Variants in CLASP2 observed in about 807,000 individuals in gnomAD.
CLASP2 encodes the protein cytoplasmic linker associated protein 2.
In CLASP2, 47 loss-of-function variants were observed where a neutral mutation model predicts 194.4. That is an observed-to-expected ratio of 0.24 (90% CI 0.19 to 0.31). The LOEUF is 0.31. Among genes scored for constraint, CLASP2 ranks in the 10% least tolerant of loss-of-function variants. The pLI is 1.00. For synonymous variants in CLASP2, 619 were observed against 633.5 expected, an observed-to-expected ratio of 0.98 and a Z score of 0.34; for missense variants, 1,445 against 1,823.6, an observed-to-expected ratio of 0.79 and a Z score of 3.78.
At chr3:33,592,030 T>C (rs779932590) in intron 21 of CLASP2, among the ~76,000 whole-genome samples, 1 of 152,208 alleles carries the variant, frequency 6.6e-6, no homozygotes, top group Non-Finnish European at 1.5e-5. Context: ...AACACCTTAA[T>C]GCTAAGGATT....
At chr3:33,548,622 T>C (rs756339690) in intron 30 of CLASP2, among the ~76,000 whole-genome samples, 1 of 152,150 alleles carries the variant, frequency 6.6e-6, no homozygotes, top group East Asian at 1.9e-4. Context: ...AATTCCCTTT[T>C]TCAGCTCTCC....
intron 2 of CLASP2, among the ~76,000 whole-genome samples, chr3:33,695,332 A>G (rs1325373047): frequency 6.8e-6 from 1 of 146,994 alleles, no homozygotes; most frequent in East Asian, 2.0e-4. Context: ...AACTGTTGGG[A>G]TTACAGGTGT....
At chr3:33,526,158 A>G (rs2054511147) in intron 34 of CLASP2, among the ~76,000 whole-genome samples, 1 of 151,492 alleles carries the variant, frequency 6.6e-6, no homozygotes, top group Non-Finnish European at 1.5e-5. Flanking sequence ...TTTTTAGTAG[A>G]GATGGGTTTT....
intron 34 of CLASP2, among the ~76,000 whole-genome samples, chr3:33,524,811 C>T (rs532221746): frequency 2.0e-5 from 3 of 151,992 alleles, no homozygotes; most frequent in Non-Finnish European, 2.9e-5. Context: ...AATGACAGAC[C>T]ATCAAAATAT....
intron 37 of CLASP2, among the ~76,000 whole-genome samples, chr3:33,506,153 T>A (rs1374210709): frequency 6.6e-6 from 1 of 151,664 alleles, no homozygotes; most frequent in African/African-American, 2.4e-5. Flanking sequence ...GGCAGGTGGA[T>A]CATGAGGTCA....
chr3:33,513,486 C>A (rs529758068), intron 36 of CLASP2, among the ~76,000 whole-genome samples: 3 of 152,118 alleles, frequency 2.0e-5, no homozygotes, highest in Non-Finnish European at 4.4e-5. Context: ...GAGCTGAGAT[C>A]GTGCCACTGC....
At chr3:33,590,697 T>G (rs1014810412) in intron 21 of CLASP2, among the ~76,000 whole-genome samples, 1 of 152,184 alleles carries the variant, frequency 6.6e-6, no homozygotes, top group African/African-American at 2.4e-5. Context: ...GCCTGGATTT[T>G]CTGACTTTGA....
Position 33,717,987 on chromosome 3 carries a change from T to A in CLASP2, c.16A>T (p.Met6Leu). The A allele has an allele frequency of 6.6e-7, 1 of 1,517,574 alleles. No individual in the cohort carries two copies. Among genetic ancestry groups the A allele is most frequent in the Non-Finnish European group, 8.8e-7 (1 of 1,136,834 alleles). The allele number at this position is 1,517,574 out of a possible 1,614,324, so 94.0% of individuals were successfully genotyped here. ...TGCACCTGGGCGCAGAAGTACTCCATGCTGCGGGGCTCCATGGCTGCGGCC... is the reference window on the plus strand; with the variant it reads ...TGCACCTGGGCGCAGAAGTACTCCAAGCTGCGGGGCTCCATGGCTGCGGCC... The part of the protein sequence containing the change: MEPRS[M>L]EYFCAQVQQK... Residue 6 changes from methionine (M) to leucine (L), a missense_variant, in exon 1 of 39, where the codon ATG becomes TTG. Coordinates refer to ENST00000682230, the MANE Select transcript of CLASP2 (RefSeq NM_001365631.1).
chr3:33,589,119 AG>A (rs1389655354), intron 21 of CLASP2, among the ~76,000 whole-genome samples: 1 of 152,156 alleles, frequency 6.6e-6, no homozygotes. Context: ...GTACAGCTGA[AG>A]AAAAATTACA....
chr3:33,592,541 T>C, intron 20 of CLASP2, 45 bp from the exon 21 acceptor site: 1 of 1,381,390 alleles, frequency 7.2e-7, no homozygotes, highest in Non-Finnish European at 1.0e-6. Context: ...TTTTCTATAA[T>C]AATGTTTAAT....
At chr3:33,616,207 CTTGT>C (rs1375805573) in intron 12 of CLASP2, among the ~76,000 whole-genome samples, 180 of 152,248 alleles carry the variant, frequency 1.2e-3, no homozygotes, top group African/African-American at 4.3e-3. Flanking sequence ...GGAGCTCACA[CTTGT>C]AATCCCAGCT....
chr3:33,648,195 A>AT (rs1411652456), intron 7 of CLASP2, among the ~76,000 whole-genome samples: 2 of 152,188 alleles, frequency 1.3e-5, no homozygotes, highest in Admixed American at 1.3e-4. Context: ...ATTCTCTTAA[A>AT]TATAAATGAA....
At chr3:33,635,301 G>A (rs536117931) in intron 8 of CLASP2, among the ~76,000 whole-genome samples, 7 of 152,052 alleles carry the variant, frequency 4.6e-5, no homozygotes, top group East Asian at 1.9e-4. Context: ...TGAAATAAAC[G>A]GAGAGATATT....
At chr3:33,573,971 G>A (rs1397339350) in intron 24 of CLASP2, among the ~76,000 whole-genome samples, 1 of 152,084 alleles carries the variant, frequency 6.6e-6, no homozygotes, top group Non-Finnish European at 1.5e-5. Flanking sequence ...AGCCCTCTAT[G>A]CTTTTCTCAA....
intron 22 of CLASP2, among the ~76,000 whole-genome samples, chr3:33,583,459 G>T (rs1221426426): frequency 6.6e-6 from 1 of 152,156 alleles, no homozygotes; most frequent in Non-Finnish European, 1.5e-5. Flanking sequence ...GAAGAAATGG[G>T]TTCACAGTAC....
intron 29 of CLASP2, among the ~76,000 whole-genome samples, chr3:33,553,531 A>T (rs2060397369): frequency 6.6e-6 from 1 of 152,202 alleles, no homozygotes; most frequent in Non-Finnish European, 1.5e-5. Context: ...CTATTTAGAA[A>T]ATGGGCAAAG....
chr3:33,588,057 T>C (rs1330337507), intron 21 of CLASP2, among the ~76,000 whole-genome samples: 1 of 152,204 alleles, frequency 6.6e-6, no homozygotes, highest in Non-Finnish European at 1.5e-5. Context: ...ACTGAATTTA[T>C]TAAAATTATG....
chr3:33,685,035 A>C lies in CLASP2; in HGVS notation c.547-579T>G, dbSNP rs565675785. On this transcript the variant is annotated intron_variant, in intron 5 of 38. Coordinates refer to ENST00000682230, the MANE Select transcript of CLASP2 (RefSeq NM_001365631.1). Reference sequence around the variant, plus strand: ...TAAATAAATAAATAAATAAATAATAATAATAATAATAAATCTATTTGTAGG... The same window carrying C: ...TAAATAAATAAATAAATAAATAATACTAATAATAATAAATCTATTTGTAGG... Among the ~76,000 whole-genome samples, 3 of 144,048 alleles carry C rather than the reference A, an allele frequency of 2.1e-5. No homozygotes were observed. The South Asian group carries it at 6.6e-4, about 32-fold the overall frequency. The allele number at this position is 144,048 out of a possible 152,430, so 94.5% of individuals were successfully genotyped here. A position where few individuals can be genotyped will look rare whatever the true frequency, so the allele number is the denominator to read the frequency against.
intron 8 of CLASP2, 122 bp downstream of exon 8, chr3:33,644,635 G>T: frequency 9.9e-7 from 1 of 1,007,518 alleles, no homozygotes; most frequent in Non-Finnish European, 1.5e-6. Context: ...TGTTGCAACA[G>T]ACTCCAGATC....
Sources: gnomAD v4.1 joint callset for allele counts (sites outside exome capture counted in the v4.1 genomes callset) on GRCh38, gnomAD v4.1.1 for gene constraint, MANE v1.5 for transcripts, NCBI Gene and HGNC (gene_info 2026-07-23, HGNC 2026-07-21) for gene names.